ZMYND19: variants seen among roughly 807,000 people sequenced by gnomAD.
ZMYND19 encodes the protein zinc finger MYND domain-containing protein 19.
Under a neutral mutation model 32.0 loss-of-function variants are expected in ZMYND19, and 17 were observed. The ratio of observed to expected loss-of-function variants is 0.53; its 90% CI spans 0.36 to 0.80. The LOEUF is 0.80. Among genes scored for constraint, ZMYND19 ranks in the 30% least tolerant of loss-of-function variants. The probability of loss-of-function intolerance (pLI) is 0.00; values close to 1 mark genes in which losing one functional copy is unlikely to be tolerated. For synonymous variants in ZMYND19, 124 were observed against 113.6 expected, an observed-to-expected ratio of 1.09 and a Z score of -0.58; for missense variants, 250 against 293.6, an observed-to-expected ratio of 0.85 and a Z score of 1.09.
chr9:137,589,652 C>T, intron 1 of ZMYND19: 5 of 985,496 alleles, frequency 5.1e-6, no homozygotes, highest in Non-Finnish European at 6.0e-6. Flanking sequence ...GCCCAGGCTT[C>T]TTCCTCTCTG....
In ZMYND19 at chr9:137,590,148, C is replaced by G. The variant is rs891383957; in HGVS notation, c.51+65G>C. 1.2e-4 allele frequency: 116 copies of G among 992,608 alleles called. No individual in the cohort carries two copies. Among genetic ancestry groups the G allele is most frequent in the Middle Eastern group, 5.0e-4 (1 of 1,982 alleles). 61.5% of individuals were successfully genotyped at this position (992,608 alleles called of 1,614,324 possible). A position where few individuals can be genotyped will look rare whatever the true frequency, so the allele number is the denominator to read the frequency against. ...CCCCGGCCGCCGCCCGCACAACCGCCCCCGGCCCCGCGCGGAGGCCTGGAC... is the reference window on the plus strand; with the variant it reads ...CCCCGGCCGCCGCCCGCACAACCGCGCCCGGCCCCGCGCGGAGGCCTGGAC... On this transcript the variant is annotated intron_variant, in intron 1 of 5. Coordinates refer to ENST00000298585, the MANE Select transcript of ZMYND19 (RefSeq NM_138462.3). This position sits in a 1 kb window ranked among gnomAD's most constrained non-coding sequence, Gnocchi z 4.2.
chr9:137,586,152 G>A (rs1167012734), intron 4 of ZMYND19, among the ~76,000 whole-genome samples: 2 of 152,274 alleles, frequency 1.3e-5, no homozygotes, highest in African/African-American at 4.8e-5. Flanking sequence ...GTCGGGGGCC[G>A]AGGGCTGAGC....
At chr9:137,588,787 CA>C in intron 1 of ZMYND19, 69 bp from the exon 2 acceptor site, 1 of 1,571,652 alleles carries the variant, frequency 6.4e-7, no homozygotes, top group South Asian at 1.1e-5. Context: ...ACCTTATAAC[CA>C]GAACAGGCAG....
intron 3 of ZMYND19, 144 bp from the exon 4 acceptor site, chr9:137,587,251 G>A (rs1842216283): frequency 4.4e-6 from 6 of 1,360,610 alleles, no homozygotes; most frequent in Non-Finnish European, 4.9e-6. Flanking sequence ...TTGGATGAGG[G>A]TACCTCAGGC....
chr9:137,590,380 C>T lies in ZMYND19; in HGVS notation c.-117G>A. On this transcript the variant is annotated 5_prime_UTR_variant, in exon 1 of 6. Coordinates refer to ENST00000298585, the MANE Select transcript of ZMYND19 (RefSeq NM_138462.3). The surrounding 1 kb of genome is among the most constrained non-coding windows in gnomAD (Gnocchi z 4.2). The stretch of plus-strand genomic sequence containing the variant: ...GGGACCGGAGCCGGGGTCGGGGTAG[C>T]AGCCAGGCGGGCTCCGGGCGGGACG... 2 of 650,868 alleles carry T rather than the reference C, an allele frequency of 3.1e-6. No homozygotes were observed. The highest frequency in any genetic ancestry group is 3.8e-6 in the Non-Finnish European group (2 of 525,424). The allele number at this position is 650,868 out of a possible 1,614,324, so 40.3% of individuals were successfully genotyped here. A position where few individuals can be genotyped will look rare whatever the true frequency, so the allele number is the denominator to read the frequency against.
At chr9:137,586,021 G>A (rs1842200231) in intron 4 of ZMYND19, among the ~76,000 whole-genome samples, 1 of 152,196 alleles carries the variant, frequency 6.6e-6, no homozygotes, top group Non-Finnish European at 1.5e-5. Context: ...TATCCTGCTG[G>A]TCCCTTGGCT....
At chr9:137,586,565 G>C (rs1287175172) in intron 4 of ZMYND19, among the ~76,000 whole-genome samples, 1 of 150,470 alleles carries the variant, frequency 6.6e-6, no homozygotes, top group African/African-American at 2.5e-5. Flanking sequence ...GAGAAGGAAG[G>C]AATCCTGAGG....
chr9:137,588,510 G>A lies in ZMYND19; in HGVS notation c.111+149C>T, dbSNP rs972887782. On this transcript the variant is annotated intron_variant, in intron 2 of 5. Transcript: ENST00000298585. The stretch of plus-strand genomic sequence containing the variant: ...TCTGCAGGGCCACGGCTCGAAGTGG[G>A]GCTGACGGCTCAGGGCTCACAGGCC... 7.2e-6 allele frequency: 6 copies of A among 828,646 alleles called. No homozygotes were observed. In the Admixed American group the frequency reaches 9.7e-5, roughly 13 times the overall value. The allele number at this position is 828,646 out of a possible 1,614,324, so 51.3% of individuals were successfully genotyped here. A position where few individuals can be genotyped will look rare whatever the true frequency, so the allele number is the denominator to read the frequency against.
In ZMYND19 at chr9:137,590,203, C is replaced by G; in HGVS notation, c.51+10G>C. The G allele has an allele frequency of 1.8e-6, 2 of 1,107,122 alleles. No individual in the cohort carries two copies. The highest frequency in any genetic ancestry group is 2.2e-5 in the South Asian group (1 of 45,914). 68.6% of individuals were successfully genotyped at this position (1,107,122 alleles called of 1,614,324 possible). A position where few individuals can be genotyped will look rare whatever the true frequency, so the allele number is the denominator to read the frequency against. On this transcript the variant is annotated intron_variant, in intron 1 of 5. Coordinates refer to ENST00000298585, the MANE Select transcript of ZMYND19 (RefSeq NM_138462.3). This position sits in a 1 kb window ranked among gnomAD's most constrained non-coding sequence, Gnocchi z 4.2. ...GAGACGGGCCGGGTCGCGGGCTCCGCGCCGCTCACCTTCCCGGCCACCCGG... is the reference window on the plus strand; with the variant it reads ...GAGACGGGCCGGGTCGCGGGCTCCGGGCCGCTCACCTTCCCGGCCACCCGG...
chr9:137,590,186 C>A lies in ZMYND19; in HGVS notation c.51+27G>T. 9.4e-7 allele frequency: 1 copy of A among 1,061,736 alleles called. No homozygotes were observed. Among genetic ancestry groups the A allele is most frequent in the Non-Finnish European group, 1.1e-6 (1 of 876,988 alleles). The allele number at this position is 1,061,736 out of a possible 1,614,324, so 65.8% of individuals were successfully genotyped here. A position where few individuals can be genotyped will look rare whatever the true frequency, so the allele number is the denominator to read the frequency against. ...CGGAGGCCTGGACGGGCGAGACGGG[C>A]CGGGTCGCGGGCTCCGCGCCGCTCA... is the stretch of plus-strand genomic sequence containing the variant. On this transcript the variant is annotated intron_variant, in intron 1 of 5. Transcript: ENST00000298585. This position sits in a 1 kb window ranked among gnomAD's most constrained non-coding sequence, Gnocchi z 4.2.
At chr9:137,587,417 T>C in intron 3 of ZMYND19, 3 of 586,724 alleles carry the variant, frequency 5.1e-6, no homozygotes, top group Non-Finnish European at 9.0e-6. Context: ...CCCATCTGAG[T>C]GGTCCCTACC....
chr9:137,589,844 C>G, intron 1 of ZMYND19: 1 of 985,484 alleles, frequency 1.0e-6, no homozygotes, highest in Non-Finnish European at 1.2e-6. Flanking sequence ...GCACTGGCAG[C>G]CCGGACGCCG....
intron 4 of ZMYND19, among the ~76,000 whole-genome samples, chr9:137,586,260 G>C (rs1588973554): frequency 6.6e-6 from 1 of 152,148 alleles, no homozygotes; most frequent in Non-Finnish European, 1.5e-5. Flanking sequence ...AAAGAATCCT[G>C]AGGTGAGGAG....
intron 4 of ZMYND19, among the ~76,000 whole-genome samples, chr9:137,584,665 A>AGAT (rs1278693096): frequency 6.6e-6 from 1 of 152,220 alleles, no homozygotes; most frequent in Non-Finnish European, 1.5e-5. Flanking sequence ...GAGATGCTAC[A>AGAT]GATGCTGCTC....
At chr9:137,587,310 A>T in intron 3 of ZMYND19, 1 of 807,786 alleles carries the variant, frequency 1.2e-6, no homozygotes, top group Non-Finnish European at 1.9e-6. Flanking sequence ...CCCAAACAGG[A>T]CAGGGACACA....
At chr9:137,588,553 T>C in intron 2 of ZMYND19, 106 bp downstream of exon 2, 1 of 1,314,932 alleles carries the variant, frequency 7.6e-7, no homozygotes, top group Non-Finnish European at 1.1e-6. Flanking sequence ...GTTGTCCACT[T>C]GTGGGGCCGC....
rs1469192222 is a variant in ZMYND19, at chr9:137,588,666, G to C, written c.104C>G (p.Ser35Cys). 1 of 1,614,186 alleles carries C rather than the reference G, an allele frequency of 6.2e-7. No homozygotes were observed. Among genetic ancestry groups the C allele is most frequent in the Admixed American group, 1.7e-5 (1 of 60,030 alleles). The change falls in exon 2 of 6, where the codon TCC (serine) becomes TGC (cysteine). Residue 35 changes from serine to cysteine, a missense_variant. Physicochemically the swap from Ser to Cys is moderately radical, Grantham distance 112 (BLOSUM62 -1). Transcript: ENST00000298585. ...EQDIPLVESYSFEARMEVDAD... is the reference protein window; with the variant it reads ...EQDIPLVESYCFEARMEVDAD... ...ACAGCCATCCTTACTTACCTCAAAG[G>C]AGTAGCTCTCCACCAGCGGGATGTC...
rs543131268 is a variant in ZMYND19 at position 137,587,662 on chromosome 9, G to A, written c.218+55C>T. The A allele has an allele frequency of 3.1e-5, 48 of 1,539,314 alleles. 1 individual carries two copies. The highest frequency in any genetic ancestry group is 1.9e-4 in the African/African-American group (14 of 73,310). On this transcript the variant is annotated intron_variant, in intron 3 of 5. Transcript: ENST00000298585. Reference sequence around the variant, plus strand: ...GGGGCTCCAGGCGCCCTGTGCCATCGGAGCTCACCCAGGAGCCCAGTGGCG... The same window carrying A: ...GGGGCTCCAGGCGCCCTGTGCCATCAGAGCTCACCCAGGAGCCCAGTGGCG...
At chr9:137,585,849 G>A (rs1259554911) in intron 4 of ZMYND19, among the ~76,000 whole-genome samples, 1 of 152,258 alleles carries the variant, frequency 6.6e-6, no homozygotes, top group Non-Finnish European at 1.5e-5. Flanking sequence ...AACCTTACCA[G>A]CGTTGCTGAC....
Sources: gnomAD v4.1 joint callset for allele counts (sites outside exome capture counted in the v4.1 genomes callset) on GRCh38, gnomAD v4.1.1 for gene constraint, Gnocchi (gnomAD v3.1) non-coding constraint, MANE v1.5 for transcripts, NCBI Gene and HGNC (gene_info 2026-07-23, HGNC 2026-07-21) for gene names.